Variants in FBXL18 observed in about 807,000 individuals in gnomAD.
FBXL18 encodes F-box and leucine rich repeat protein 18, also known as F-box/LRR-repeat protein 18.
A neutral mutation model predicts 46.0 loss-of-function variants in FBXL18; 36 were observed. The ratio of observed to expected loss-of-function variants is 0.78; its 90% CI spans 0.60 to 1.03. The LOEUF (loss-of-function observed/expected upper bound fraction) is 1.03, where lower values mean the gene tolerates loss of function less well. Among genes scored for constraint, FBXL18 ranks in the 50% least tolerant of loss-of-function variants. The pLI is 0.00. For synonymous variants in FBXL18, 557 were observed against 465.3 expected, an observed-to-expected ratio of 1.20 and a Z score of -2.54; for missense variants, 977 against 1,004.1, an observed-to-expected ratio of 0.97 and a Z score of 0.36.
In FBXL18 at chr7:5,477,788, C is replaced by T. The variant is rs1447015541; in HGVS notation, c.*3987G>A. ...AAGAGGAGGTGGGAGGCTGCCACAGCGCTGCCTGCTGGGGGATCAAGGTCC... is the reference window on the plus strand; with the variant it reads ...AAGAGGAGGTGGGAGGCTGCCACAGTGCTGCCTGCTGGGGGATCAAGGTCC... On this transcript the variant is annotated 3_prime_UTR_variant, in exon 5 of 5. Coordinates refer to ENST00000382368, the MANE Select transcript of FBXL18 (RefSeq NM_024963.6). The surrounding 1 kb of genome is among the most constrained non-coding windows in gnomAD (Gnocchi z 4.4). 2.6e-5 allele frequency: 4 copies of T among 152,290 alleles called. No individual in the cohort carries two copies. Among genetic ancestry groups the T allele is most frequent in the African/African-American group, 4.8e-5 (2 of 41,462 alleles). 9.4% of individuals were successfully genotyped at this position (152,290 alleles called of 1,614,324 possible).
chr7:5,465,433 T>G (rs1016033785), intron 4 of FBXL18, among the ~76,000 whole-genome samples: 3 of 152,018 alleles, frequency 2.0e-5, no homozygotes, highest in Non-Finnish European at 2.9e-5. Flanking sequence ...ACGCCTGACC[T>G]CAAGTGATCC....
At chr7:5,473,700 G>A (rs566450083), downstream of FBXL18, among the ~76,000 whole-genome samples, 1 of 150,536 alleles carries the variant, frequency 6.6e-6, no homozygotes, top group Non-Finnish European at 1.5e-5. Context: ...GGCAGAGGTT[G>A]CAGTGAGCCG....
intron 3 of FBXL18, among the ~76,000 whole-genome samples, chr7:5,499,832 G>A (rs1256066841): frequency 6.6e-6 from 1 of 151,858 alleles, no homozygotes; most frequent in Non-Finnish European, 1.5e-5. Context: ...GGCCGAGATG[G>A]AGGATCACTT....
chr7:5,464,354 C>G (rs1783310875), intron 4 of FBXL18, among the ~76,000 whole-genome samples: 1 of 152,042 alleles, frequency 6.6e-6, no homozygotes, highest in Admixed American at 6.6e-5. Context: ...TGGCGCACAT[C>G]TGTAATCCCA....
At chr7:5,508,440 TAAA>T (rs11396812) in intron 1 of FBXL18, among the ~76,000 whole-genome samples, 5 of 132,716 alleles carry the variant, frequency 3.8e-5, no homozygotes, top group African/African-American at 5.7e-5. Flanking sequence ...AGACTTTGTC[TAAA>T]AAAAAAAAAA....
intron 3 of FBXL18, among the ~76,000 whole-genome samples, chr7:5,492,047 C>T (rs1783941223): frequency 6.6e-6 from 1 of 150,810 alleles, no homozygotes; most frequent in Non-Finnish European, 1.5e-5. Context: ...GCTGCAGGGC[C>T]AAAGGAGGAG....
chr7:5,466,192 GA>G (rs1024389471), intron 4 of FBXL18, among the ~76,000 whole-genome samples: 23 of 144,952 alleles, frequency 1.6e-4, no homozygotes, highest in Admixed American at 6.2e-4. Context: ...GAAAAGAAAA[GA>G]AAAAAAAAAG....
intron 4 of FBXL18, among the ~76,000 whole-genome samples, chr7:5,490,650 G>C (rs1325022701): frequency 2.6e-5 from 4 of 152,186 alleles, no homozygotes; most frequent in African/African-American, 9.7e-5. Context: ...AACGGGCAGA[G>C]ATGTGAAAAA....
chr7:5,506,829 G>A (rs1236302318), intron 1 of FBXL18, among the ~76,000 whole-genome samples: 2 of 152,188 alleles, frequency 1.3e-5, no homozygotes, highest in Non-Finnish European at 2.9e-5. Flanking sequence ...TTTCAGGCAA[G>A]AGCCCTGCAC....
intron 4 of FBXL18, among the ~76,000 whole-genome samples, chr7:5,468,999 G>C (rs1324732669): frequency 6.7e-6 from 1 of 148,266 alleles, no homozygotes; most frequent in East Asian, 1.9e-4. Context: ...TGTGAATTGA[G>C]AGTGTGTGGT....
rs1044720615 is a variant in FBXL18 at position 5,489,527 on chromosome 7, T to G, written c.2000+1704A>C. The G allele has an allele frequency of 1.2e-5, 4 of 322,006 alleles. No homozygotes were observed. The East Asian group carries it at 3.4e-4, about 28-fold the overall frequency. 19.9% of individuals were successfully genotyped at this position (322,006 alleles called of 1,614,324 possible). A position where few individuals can be genotyped will look rare whatever the true frequency, so the allele number is the denominator to read the frequency against. The stretch of plus-strand genomic sequence containing the variant: ...GGCTCACGCCTGTAATCCCAGCACT[T>G]TGGGAGGCCGAGGTGGGCAGATCAT... On this transcript the variant is annotated intron_variant, in intron 4 of 4. Coordinates refer to ENST00000382368, the MANE Select transcript of FBXL18 (RefSeq NM_024963.6).
chr7:5,502,158 C>T, intron 2 of FBXL18, 127 bp from the exon 3 acceptor site: 1 of 691,350 alleles, frequency 1.4e-6, no homozygotes, highest in Non-Finnish European at 2.4e-6. Context: ...CCCCACCTCT[C>T]GCTGCCTACC....
Position 5,501,426 on chromosome 7 carries a change from G to A in FBXL18, c.843C>T (p.Asn281=). The A allele has an allele frequency of 6.2e-7, 1 of 1,613,558 alleles. No individual in the cohort carries two copies. Among genetic ancestry groups the A allele is most frequent in the Non-Finnish European group, 8.5e-7 (1 of 1,180,030 alleles). The change falls in exon 3 of 5, where the codon AAC becomes AAT. Residue 281 remains asparagine, a synonymous_variant. Coordinates refer to ENST00000382368, the MANE Select transcript of FBXL18 (RefSeq NM_024963.6). ...CATTGCGCGCCATGGAGTCCAGGAG[G>A]TTCTTGGTGGCGCCGCTCTCCGCGA... ...GSFAESGATK[N]LLDSMARNVV...
At chr7:5,505,275 T>C in intron 2 of FBXL18, 137 bp downstream of exon 2, 1 of 774,758 alleles carries the variant, frequency 1.3e-6, no homozygotes, top group East Asian at 2.7e-5. Context: ...CAATGCATCC[T>C]GCAGACGGCG....
chr7:5,482,018 C>T, intron 4 of FBXL18, 87 bp from the exon 5 acceptor site: 9 of 1,463,162 alleles, frequency 6.2e-6, no homozygotes, highest in Non-Finnish European at 6.4e-6. Flanking sequence ...GGCACTCACA[C>T]CTGCCTCCCC....
rs937854063 is a variant in FBXL18, at chr7:5,476,931, A to G, written c.*4844T>C. ...GAGACGGAGTCTCACTCTGTCGCCCAGGCTGGAATGCAGTGGTGCGATCTC... is the reference window on the plus strand; with the variant it reads ...GAGACGGAGTCTCACTCTGTCGCCCGGGCTGGAATGCAGTGGTGCGATCTC... On this transcript the variant is annotated 3_prime_UTR_variant, in exon 5 of 5. Coordinates refer to ENST00000382368, the MANE Select transcript of FBXL18 (RefSeq NM_024963.6). The G allele has an allele frequency of 6.8e-6, 1 of 147,996 alleles. No homozygotes were observed. The highest frequency in any genetic ancestry group is 1.5e-5 in the Non-Finnish European group (1 of 67,388). 9.2% of individuals were successfully genotyped at this position (147,996 alleles called of 1,614,324 possible). A position where few individuals can be genotyped will look rare whatever the true frequency, so the allele number is the denominator to read the frequency against.
At position 5,477,476 on chromosome 7, in the gene FBXL18, G is replaced by A. The variant is rs1783543344; in HGVS notation, c.*4299C>T. ...CTAGCACTTTGGGAGGCCGAGGCAG[G>A]AGAATCACTTGAGGTCAGGAGTTCA... On this transcript the variant is annotated 3_prime_UTR_variant, in exon 5 of 5. Transcript: ENST00000382368. The surrounding 1 kb of genome is among the most constrained non-coding windows in gnomAD (Gnocchi z 4.4). 6.6e-6 allele frequency among the ~76,000 whole-genome samples: 1 copy of A among 151,678 alleles called. No individual in the cohort carries two copies. Among genetic ancestry groups the A allele is most frequent in the Non-Finnish European group, 1.5e-5 (1 of 68,042 alleles).
chr7:5,507,625 A>G (rs1048436060), intron 1 of FBXL18, among the ~76,000 whole-genome samples: 2 of 150,492 alleles, frequency 1.3e-5, no homozygotes, highest in African/African-American at 2.4e-5. Flanking sequence ...CACAAGGTCA[A>G]GAGATCGAGA....
At chr7:5,495,003 T>C (rs1784039036) in intron 3 of FBXL18, among the ~76,000 whole-genome samples, 1 of 152,176 alleles carries the variant, frequency 6.6e-6, no homozygotes, top group Non-Finnish European at 1.5e-5. Context: ...CTGGCACGTC[T>C]AAAGCTTCCT....
Sources: allele counts gnomAD v4.1 joint callset (sites outside exome capture counted in the v4.1 genomes callset), GRCh38; gene constraint gnomAD v4.1.1; non-coding constraint Gnocchi (gnomAD v3.1); transcripts MANE v1.5; gene names NCBI Gene and HGNC (gene_info 2026-07-23, HGNC 2026-07-21).